ACACA: variants seen among roughly 807,000 people sequenced by gnomAD.
ACACA encodes the protein acetyl-CoA carboxylase 1.
Under a neutral mutation model 296.1 loss-of-function variants are expected in ACACA, and 103 were observed. The observed-to-expected ratio is 0.35, with a 90% CI of 0.30 to 0.41. ACACA has a LOEUF of 0.41. ACACA is among the 10% of genes least tolerant of loss of function. The pLI is 1.00. For synonymous variants in ACACA, 953 were observed against 1,038.6 expected (o/e 0.92, Z 1.58); for missense variants, 1,554 against 2,989.7 (o/e 0.52, Z 11.20).
chr17:37,094,139 GT>G (rs2072822857), intron 54 of ACACA, among the ~76,000 whole-genome samples: 1 of 152,136 alleles, frequency 6.6e-6, no homozygotes, highest in East Asian at 1.9e-4. Context: ...TACTGTTCTT[GT>G]TATTTTCGTT....
intron 42 of ACACA, chr17:37,161,574 G>A (rs1461436007): frequency 1.6e-6 from 1 of 639,808 alleles, no homozygotes; most frequent in African/African-American, 1.8e-5. Context: ...CTGTTTTATA[G>A]ATGGAAGAAA....
chr17:37,216,158 A>C (rs1476919096), intron 29 of ACACA, among the ~76,000 whole-genome samples: 4,053 of 95,376 alleles, frequency 0.042, 167 homozygotes, highest in African/African-American at 0.12. Flanking sequence ...ACACACACAC[A>C]ACATACACAT....
At position 37,339,803 on chromosome 17, in the gene ACACA, C is replaced by G; in HGVS notation, c.85+1G>C. ...AACAAGGAGTATTATTTGTAACTGA[C>G]CTCTTATAATTCTTACTGTCTGAGT... On this transcript the variant is annotated splice_donor_variant, in intron 2 of 55. Transcript: ENST00000616317. LOFTEE classifies it high-confidence loss of function. 7.3e-7 allele frequency: 1 copy of G among 1,375,134 alleles called. No homozygotes were observed. The highest frequency in any genetic ancestry group is 1.0e-6 in the Non-Finnish European group (1 of 969,242). The allele number at this position is 1,375,134 out of a possible 1,614,324, so 85.2% of individuals were successfully genotyped here. A position where few individuals can be genotyped will look rare whatever the true frequency, so the allele number is the denominator to read the frequency against.
rs747599790 is a variant in ACACA at position 37,193,405 on chromosome 17, G to A, written c.4169C>T (p.Pro1390Leu). 1.9e-6 allele frequency: 3 copies of A among 1,602,144 alleles called. No individual in the cohort carries two copies. The highest frequency in any genetic ancestry group is 1.7e-5 in the Admixed American group (1 of 59,954). Residue 1390 changes from proline to leucine, a missense_variant, in exon 36 of 56, where the codon CCT (proline) becomes CTT (leucine). By Grantham distance (98) the Pro-to-Leu change is moderately conservative. Transcript: ENST00000616317. ...EVDRRFHREF[P>L]KFFTFRARDK... Reference sequence around the variant, plus strand: ...CCTTGCTCGGAATGTAAAAAATTTAGGGAATTCTCTCTGTATTAAAGAAGG... The same window carrying A: ...CCTTGCTCGGAATGTAAAAAATTTAAGGAATTCTCTCTGTATTAAAGAAGG...
At chr17:37,397,789 C>T (rs2051128609) in intron 1 of ACACA, among the ~76,000 whole-genome samples, 2 of 152,154 alleles carry the variant, frequency 1.3e-5, no homozygotes, top group Non-Finnish European at 2.9e-5. Context: ...CTTTACCCCA[C>T]CCTCCTTCAC....
chr17:37,327,824 T>C (rs565410590), intron 3 of ACACA, among the ~76,000 whole-genome samples: 16 of 152,346 alleles, frequency 1.1e-4, no homozygotes, highest in Admixed American at 3.3e-4. Flanking sequence ...TGTAGGATTA[T>C]CTACTATACC....
intron 2 of ACACA, 140 bp downstream of exon 2, chr17:37,339,664 A>G: frequency 1.6e-6 from 1 of 623,686 alleles, no homozygotes; most frequent in East Asian, 2.6e-5. Context: ...CTCTTTGTTC[A>G]CTTCAGGTTA....
chr17:37,258,172 T>C (rs2146203100), intron 13 of ACACA, 40 bp downstream of exon 13: 3 of 1,600,288 alleles, frequency 1.9e-6, no homozygotes, highest in East Asian at 2.2e-5. Flanking sequence ...ACATTAAAGT[T>C]CATTAAAAGG....
intron 3 of ACACA, among the ~76,000 whole-genome samples, chr17:37,307,917 A>G (rs2083956163): frequency 6.7e-6 from 1 of 149,294 alleles, no homozygotes; most frequent in Non-Finnish European, 1.5e-5. Context: ...ATATTTTAAT[A>G]TTCTTCTTCA....
intron 41 of ACACA, among the ~76,000 whole-genome samples, chr17:37,168,461 T>C (rs1393220299): frequency 1.3e-5 from 2 of 151,878 alleles, no homozygotes; most frequent in African/African-American, 4.8e-5. Context: ...CACTGGGTGA[T>C]AGGTACATGG....
At chr17:37,167,714 A>G (rs2076737569) in intron 41 of ACACA, among the ~76,000 whole-genome samples, 1 of 150,786 alleles carries the variant, frequency 6.6e-6, no homozygotes, top group Admixed American at 6.6e-5. Flanking sequence ...AAAAAAAAAA[A>G]GAGGTCTGTG....
rs185840032 is a variant in ACACA at position 37,386,357 on chromosome 17, C to T, written c.38+19905G>A. On this transcript the variant is annotated intron_variant, in intron 1 of 55. Transcript: ENST00000616317. Reference sequence around the variant, plus strand: ...CTGTAATCCTAGCACTTTGGGAGGCCGAGGTGGGCGGATCACCTGTGGTCA... The same window carrying T: ...CTGTAATCCTAGCACTTTGGGAGGCTGAGGTGGGCGGATCACCTGTGGTCA... Among the ~76,000 whole-genome samples, 4 of 152,020 alleles carry T rather than the reference C, an allele frequency of 2.6e-5. No homozygotes were observed. In the East Asian group the frequency reaches 7.7e-4, roughly 29 times the overall value.
chr17:37,286,532 C>A (rs913058697), intron 3 of ACACA, among the ~76,000 whole-genome samples: 1 of 152,128 alleles, frequency 6.6e-6, no homozygotes, highest in African/African-American at 2.4e-5. Flanking sequence ...TTCACCAAAC[C>A]GGAAGGCAGA....
intron 11 of ACACA, among the ~76,000 whole-genome samples, chr17:37,262,931 T>G (rs1413535278): frequency 6.6e-6 from 1 of 152,082 alleles, no homozygotes; most frequent in Non-Finnish European, 1.5e-5. Context: ...GGTTTCACCA[T>G]ATTGCCCAGG....
At chr17:37,292,369 G>C (rs2083110441) in intron 3 of ACACA, among the ~76,000 whole-genome samples, 2 of 152,098 alleles carry the variant, frequency 1.3e-5, no homozygotes. Flanking sequence ...AGAAAAACAA[G>C]CTTTGATTCC....
rs1201675613 is a variant in ACACA at position 37,299,704 on chromosome 17, TCAA to T, written c.339-14737_339-14735del. ...TCTCCTTTAGTTGCAGCAAACATTT[TCAA>T]CAACAGTCACTTTCTTCTGACAGTC... On this transcript the variant is annotated intron_variant, in intron 3 of 55. Transcript: ENST00000616317. 2.3e-5 allele frequency: 23 copies of T among 1,011,654 alleles called. No individual in the cohort carries two copies. In the East Asian group the frequency reaches 1.5e-3, roughly 67 times the overall value. 62.7% of individuals were successfully genotyped at this position (1,011,654 alleles called of 1,614,324 possible).
chr17:37,088,047 C>T (rs1387475706), intron 55 of ACACA, among the ~76,000 whole-genome samples: 4 of 152,082 alleles, frequency 2.6e-5, no homozygotes, highest in Non-Finnish European at 5.9e-5. Context: ...GAAATTAACA[C>T]GAGGAGGAGC....
chr17:37,167,983 T>C (rs532910812), intron 41 of ACACA, among the ~76,000 whole-genome samples: 6 of 152,304 alleles, frequency 3.9e-5, no homozygotes, highest in African/African-American at 1.4e-4. Context: ...ATACCCATGA[T>C]GTAATACTAA....
At chr17:37,301,984 T>C (rs1200781389) in intron 3 of ACACA, among the ~76,000 whole-genome samples, 1 of 152,032 alleles carries the variant, frequency 6.6e-6, no homozygotes, top group Non-Finnish European at 1.5e-5. Context: ...TTAATTTCTT[T>C]TTTTTTTCTT....
Sources: gnomAD v4.1 joint callset for allele counts (sites outside exome capture counted in the v4.1 genomes callset) on GRCh38, gnomAD v4.1.1 for gene constraint, MANE v1.5 for transcripts, NCBI Gene and HGNC (gene_info 2026-07-23, HGNC 2026-07-21) for gene names.